Variants in FEM1C observed in about 807,000 individuals in gnomAD.
FEM1C encodes the protein protein fem-1 homolog C.
FEM1C carries 15 observed loss-of-function variants against 37.6 expected under a neutral mutation model. That is an observed-to-expected ratio of 0.40 (90% CI 0.27 to 0.61). The LOEUF (loss-of-function observed/expected upper bound fraction) is 0.61. Among genes scored for constraint, FEM1C ranks in the 20% least tolerant of loss-of-function variants. The pLI is 0.42. For synonymous variants in FEM1C, 287 were observed against 272.8 expected, an observed-to-expected ratio of 1.05 and a Z score of -0.51; for missense variants, 532 against 749.7, an observed-to-expected ratio of 0.71 and a Z score of 3.39.
At chr5:115,528,725 G>A (rs1449481028) in intron 2 of FEM1C, among the ~76,000 whole-genome samples, 1 of 151,924 alleles carries the variant, frequency 6.6e-6, no homozygotes, top group Non-Finnish European at 1.5e-5. Flanking sequence ...AGAAAATGAG[G>A]AACCATAACA....
intron 2 of FEM1C, among the ~76,000 whole-genome samples, chr5:115,539,399 G>C (rs1345529643): frequency 6.6e-6 from 1 of 152,028 alleles, no homozygotes; most frequent in African/African-American, 2.4e-5. Flanking sequence ...ATGAAGCGCT[G>C]AGATCACTGT....
At chr5:115,544,011 A>G (rs1293476463) in intron 1 of FEM1C, 1 of 985,264 alleles carries the variant, frequency 1.0e-6, no homozygotes, top group African/African-American at 1.7e-5. Context: ...AGTACAACCG[A>G]AAGAGGCAGG....
intron 2 of FEM1C, among the ~76,000 whole-genome samples, chr5:115,541,130 A>G (rs1728800231): frequency 6.6e-6 from 1 of 152,102 alleles, no homozygotes; most frequent in Non-Finnish European, 1.5e-5. Context: ...AAGCAACATA[A>G]AACTCCATCA....
chr5:115,532,612 T>G (rs1338664728), intron 2 of FEM1C, among the ~76,000 whole-genome samples: 2 of 152,110 alleles, frequency 1.3e-5, no homozygotes, highest in African/African-American at 4.8e-5. Context: ...TTATATAGTA[T>G]GCTTTGACAA....
In FEM1C at chr5:115,527,161, T is replaced by G. The variant is rs1298522924; in HGVS notation, c.545-1544A>C. Among the ~76,000 whole-genome samples, 3 of 152,142 alleles carry G rather than the reference T, an allele frequency of 2.0e-5. No individual in the cohort carries two copies. The South Asian group carries it at 6.2e-4, about 32-fold the overall frequency. Reference sequence around the variant, plus strand: ...ATTCAGCTGCATGTCCTTATGACATTACAGTAATAAATCTTACCTATGAGT... The same window carrying G: ...ATTCAGCTGCATGTCCTTATGACATGACAGTAATAAATCTTACCTATGAGT... On this transcript the variant is annotated intron_variant, in intron 2 of 2. Transcript: ENST00000274457.
intron 2 of FEM1C, among the ~76,000 whole-genome samples, chr5:115,529,936 A>G (rs1401081766): frequency 6.6e-6 from 1 of 152,044 alleles, no homozygotes; most frequent in Non-Finnish European, 1.5e-5. Context: ...GGAACACAAA[A>G]CAGGCAGGAC....
At chr5:115,526,110 C>T (rs1753885907) in intron 2 of FEM1C, among the ~76,000 whole-genome samples, 1 of 151,984 alleles carries the variant, frequency 6.6e-6, no homozygotes, top group African/African-American at 2.4e-5. Flanking sequence ...ATGCTCCTGC[C>T]TTAGTCTCCC....
chr5:115,526,761 TTTGGCTGGTAGCTGGGAAC>T (rs1268758128), intron 2 of FEM1C, among the ~76,000 whole-genome samples: 1 of 152,142 alleles, frequency 6.6e-6, no homozygotes, highest in African/African-American at 2.4e-5. Context: ...AGGTTGGACC[TTTGGCTGGTAGCTGGGAAC>T]TTGGCTGGTA....
intron 2 of FEM1C, among the ~76,000 whole-genome samples, chr5:115,526,883 G>A (rs181022801): frequency 6.6e-6 from 1 of 152,198 alleles, no homozygotes; most frequent in East Asian, 1.9e-4. Context: ...AGTTTATGCT[G>A]AATGTCTGGT....
chr5:115,542,360 T>C (rs1319162800), intron 2 of FEM1C, among the ~76,000 whole-genome samples: 1 of 152,194 alleles, frequency 6.6e-6, no homozygotes, highest in Non-Finnish European at 1.5e-5. Flanking sequence ...TCTTGCTATA[T>C]TTAATGCATG....
rs114511614 is a variant in FEM1C at position 115,529,042 on chromosome 5, A to G, written c.545-3425T>C. Among the ~76,000 whole-genome samples the G allele has an allele frequency of 5.7e-3, 875 of 152,218 alleles. 6 individuals are homozygous for G. Among genetic ancestry groups the G allele is most frequent in the African/African-American group, 0.02 (840 of 41,562 alleles). On this transcript the variant is annotated intron_variant, in intron 2 of 2. Coordinates refer to ENST00000274457, the MANE Select transcript of FEM1C (RefSeq NM_020177.3). ...TAAAAGAACAGAAAAGATGGAGACTATAAGAGAAAGAGGGAACAACGTCAG... is the reference window on the plus strand; with the variant it reads ...TAAAAGAACAGAAAAGATGGAGACTGTAAGAGAAAGAGGGAACAACGTCAG...
chr5:115,525,325 A>G lies in FEM1C; in HGVS notation c.837T>C (p.Asp279=). Residue 279 remains aspartate (D), a synonymous_variant, in exon 3 of 3, where the codon GAT becomes GAC. Transcript: ENST00000274457. ...CTGGTTTACTAATAATATTAGTCCT[A>G]TCACTGTACCTCATGTTCATTGCCT... is the stretch of plus-strand genomic sequence containing the variant. ...WKKAMNMRYS[D]RTNIISKPVP... The G allele has an allele frequency of 6.2e-7, 1 of 1,613,788 alleles. No homozygotes were observed. Among genetic ancestry groups the G allele is most frequent in the South Asian group, 1.1e-5 (1 of 91,082 alleles).
At position 115,524,363 on chromosome 5, in the gene FEM1C, T is replaced by C; in HGVS notation, c.1799A>G (p.Tyr600Cys). 4 of 1,613,478 alleles carry C rather than the reference T, an allele frequency of 2.5e-6. No homozygotes were observed. Among genetic ancestry groups the C allele is most frequent in the Non-Finnish European group, 3.4e-6 (4 of 1,179,650 alleles). The stretch of plus-strand genomic sequence containing the variant: ...CTTTTCTGGGATATGCCCTTTATAA[T>C]ATATTCTATGATTCACTATGACACG... ...AARVIVNHRI[Y>C]YKGHIPEKLE... The change falls in exon 3 of 3, where the codon TAT becomes TGT. Residue 600 changes from tyrosine (Y) to cysteine (C), a missense_variant. Transcript: ENST00000274457.
chr5:115,528,001 G>GAAAA (rs58897289), intron 2 of FEM1C, among the ~76,000 whole-genome samples: 1 of 87,070 alleles, frequency 1.1e-5, no homozygotes, highest in Non-Finnish European at 2.3e-5. Context: ...CTTCGTCTCA[G>GAAAA]AAAAAAAAAA....
chr5:115,544,240 C>T (rs979308462), intron 1 of FEM1C: 17 of 941,094 alleles, frequency 1.8e-5, no homozygotes, highest in Non-Finnish European at 2.2e-5. Context: ...ATTAACTTCG[C>T]CCGCCCCATT....
In FEM1C at chr5:115,543,527, C is replaced by T. The variant is rs552559996; in HGVS notation, c.-34G>A. 9.7e-6 allele frequency: 15 copies of T among 1,550,684 alleles called. No individual in the cohort carries two copies. The highest frequency in any genetic ancestry group is 1.9e-5 in the Admixed American group (1 of 51,632). ...AGTTGAGAGGCTGTGCTTTATTTAT[C>T]TTTCAAAGCAGAGCTCCAGTTTAAC... is the stretch of plus-strand genomic sequence containing the variant. On this transcript the variant is annotated 5_prime_UTR_variant, in exon 2 of 3. Transcript: ENST00000274457.
chr5:115,541,517 A>G (rs928870008), intron 2 of FEM1C, among the ~76,000 whole-genome samples: 4 of 152,294 alleles, frequency 2.6e-5, no homozygotes, highest in Admixed American at 2.6e-4. Flanking sequence ...GCAAATGTAC[A>G]TTCACTTTGA....
At chr5:115,535,598 A>C (rs1474172416) in intron 2 of FEM1C, among the ~76,000 whole-genome samples, 2 of 152,026 alleles carry the variant, frequency 1.3e-5, no homozygotes, top group African/African-American at 2.4e-5. Context: ...AAGAAGAAGA[A>C]GAACAAGTGT....
chr5:115,533,177 T>C (rs1299680676), intron 2 of FEM1C, among the ~76,000 whole-genome samples: 2 of 152,082 alleles, frequency 1.3e-5, no homozygotes, highest in African/African-American at 2.4e-5. Flanking sequence ...TATAGTATTC[T>C]TTCTACTACT....
Sources: gnomAD v4.1 joint callset for allele counts (sites outside exome capture counted in the v4.1 genomes callset) on GRCh38, gnomAD v4.1.1 for gene constraint, MANE v1.5 for transcripts, NCBI Gene and HGNC (gene_info 2026-07-23, HGNC 2026-07-21) for gene names.